Variants in GOLPH3L observed in about 807,000 individuals in gnomAD.
The protein encoded by GOLPH3L is Golgi phosphoprotein 3-like.
Under a neutral mutation model 30.3 loss-of-function variants are expected in GOLPH3L, and 22 were observed. The ratio of observed to expected loss-of-function variants is 0.73; its 90% CI spans 0.52 to 1.04. The LOEUF (loss-of-function observed/expected upper bound fraction) is 1.04. Ranked by LOEUF, GOLPH3L falls within the 50% of genes least tolerant of loss-of-function variation. The pLI, the probability that GOLPH3L is intolerant of heterozygous loss-of-function variation, is 0.00. For synonymous variants in GOLPH3L, 120 were observed against 128.2 expected, an observed-to-expected ratio of 0.94 and a Z score of 0.43; for missense variants, 303 against 345.8, an observed-to-expected ratio of 0.88 and a Z score of 0.98.
intron 2 of GOLPH3L, among the ~76,000 whole-genome samples, chr1:150,683,189 G>T (rs939174907): frequency 6.6e-6 from 1 of 152,146 alleles, no homozygotes; most frequent in Non-Finnish European, 1.5e-5. Flanking sequence ...ATCACATGAG[G>T]TCAGGAGTTC....
At chr1:150,686,493 A>G (rs1348143462) in intron 2 of GOLPH3L, among the ~76,000 whole-genome samples, 1 of 152,192 alleles carries the variant, frequency 6.6e-6, no homozygotes, top group Non-Finnish European at 1.5e-5. Context: ...GCAGTGAAAC[A>G]CCACGCCCAG....
intron 4 of GOLPH3L, among the ~76,000 whole-genome samples, chr1:150,654,005 CA>C (rs1206515555): frequency 6.6e-6 from 1 of 150,738 alleles, no homozygotes; most frequent in Non-Finnish European, 1.5e-5. Context: ...TCCAGTGATC[CA>C]CCTGCCTTGG....
intron 4 of GOLPH3L, among the ~76,000 whole-genome samples, chr1:150,655,882 G>C (rs1460745087): frequency 6.6e-6 from 1 of 152,112 alleles, no homozygotes; most frequent in Non-Finnish European, 1.5e-5. Context: ...CTAAAAATTC[G>C]CCTTTAATAG....
chr1:150,670,132 G>A (rs977910923), intron 2 of GOLPH3L, among the ~76,000 whole-genome samples: 2 of 151,418 alleles, frequency 1.3e-5, no homozygotes, highest in South Asian at 2.1e-4. Context: ...TGTGGTGGTA[G>A]ACGCCTGTAA....
chr1:150,694,349 A>C (rs1426479279), intron 2 of GOLPH3L, among the ~76,000 whole-genome samples: 1 of 152,192 alleles, frequency 6.6e-6, no homozygotes, highest in Non-Finnish European at 1.5e-5. Flanking sequence ...TTACTTTAAT[A>C]AACGGTATTA....
At chr1:150,694,163 T>C (rs1233869592) in intron 2 of GOLPH3L, 1 of 451,432 alleles carries the variant, frequency 2.2e-6, no homozygotes, top group East Asian at 7.9e-5. Context: ...AATCCAACTG[T>C]TGATATTTGC....
intron 4 of GOLPH3L, among the ~76,000 whole-genome samples, chr1:150,656,908 C>A (rs1650251816): frequency 6.6e-6 from 1 of 151,958 alleles, no homozygotes; most frequent in South Asian, 2.1e-4. Flanking sequence ...AAATTTAAAC[C>A]AATTGAAGGT....
At chr1:150,650,500 C>G (rs1270885390) in intron 4 of GOLPH3L, among the ~76,000 whole-genome samples, 1 of 152,176 alleles carries the variant, frequency 6.6e-6, no homozygotes, top group African/African-American at 2.4e-5. Context: ...TGTTAGGAAC[C>G]CGGCTGCACA....
At chr1:150,694,439 T>C (rs1651297817) in intron 2 of GOLPH3L, 3 of 434,080 alleles carry the variant, frequency 6.9e-6, no homozygotes, top group East Asian at 7.9e-5. Context: ...TTCTAAAATT[T>C]TGGAGTAATT....
chr1:150,666,914 T>C (rs1035675638), intron 2 of GOLPH3L, among the ~76,000 whole-genome samples: 2 of 152,124 alleles, frequency 1.3e-5, no homozygotes, highest in Admixed American at 1.3e-4. Flanking sequence ...TGTTTGTATG[T>C]TTGATGATCT....
At chr1:150,694,493 A>G (rs912717969) in intron 2 of GOLPH3L, 163 bp downstream of exon 2, 1 of 511,980 alleles carries the variant, frequency 2.0e-6, no homozygotes, top group South Asian at 3.5e-5. Context: ...CTGGATTTTT[A>G]CCCTCCAAGT....
chr1:150,654,151 G>A (rs1369179246), intron 4 of GOLPH3L, among the ~76,000 whole-genome samples: 1 of 152,034 alleles, frequency 6.6e-6, no homozygotes, highest in Non-Finnish European at 1.5e-5. Flanking sequence ...TCAATAAAGA[G>A]ATAGAGAAAG....
At chr1:150,692,914 T>C (rs1651244536) in intron 2 of GOLPH3L, among the ~76,000 whole-genome samples, 1 of 152,246 alleles carries the variant, frequency 6.6e-6, no homozygotes, top group African/African-American at 2.4e-5. Context: ...TTTAGTTCTA[T>C]ATCCTCTTTT....
chr1:150,694,394 A>G, intron 2 of GOLPH3L: 1 of 347,294 alleles, frequency 2.9e-6, no homozygotes, highest in South Asian at 4.1e-5. Context: ...AACTACAAGT[A>G]CAAAACTTTA....
intron 4 of GOLPH3L, among the ~76,000 whole-genome samples, chr1:150,650,906 G>A (rs1373629697): frequency 1.3e-5 from 2 of 152,302 alleles, no homozygotes; most frequent in South Asian, 2.1e-4. Context: ...CTTTGAGAAC[G>A]CTAAAATGTT....
chr1:150,676,946 A>C (rs1053210144), intron 2 of GOLPH3L, among the ~76,000 whole-genome samples: 1 of 151,936 alleles, frequency 6.6e-6, no homozygotes, highest in Non-Finnish European at 1.5e-5. Context: ...TGCCCAGCCT[A>C]CATGTGTAAT....
At chr1:150,651,572 C>A (rs1178293606) in intron 4 of GOLPH3L, among the ~76,000 whole-genome samples, 2 of 150,196 alleles carry the variant, frequency 1.3e-5, no homozygotes, top group Non-Finnish European at 3.0e-5. Context: ...TCACTTGAAC[C>A]CAGGAGGCGG....
chr1:150,656,198 G>A (rs1650236678), intron 4 of GOLPH3L, among the ~76,000 whole-genome samples: 1 of 152,096 alleles, frequency 6.6e-6, no homozygotes, highest in African/African-American at 2.4e-5. Context: ...TCGATTTCTC[G>A]TGCTGGTTTA....
At chr1:150,684,919 C>T (rs1390706233) in intron 2 of GOLPH3L, among the ~76,000 whole-genome samples, 1 of 152,104 alleles carries the variant, frequency 6.6e-6, no homozygotes, top group African/African-American at 2.4e-5. Flanking sequence ...CCACCCGCCT[C>T]GGCCTCCCAA....
Sources: gnomAD v4.1 joint callset for allele counts (sites outside exome capture counted in the v4.1 genomes callset) on GRCh38, gnomAD v4.1.1 for gene constraint, MANE v1.5 for transcripts, NCBI Gene and HGNC (gene_info 2026-07-23, HGNC 2026-07-21) for gene names.